Variants in CYRIB observed in about 807,000 individuals in gnomAD.
CYRIB encodes the protein CYFIP-related Rac1 interactor B.
In CYRIB, 8 loss-of-function variants were observed where a neutral mutation model predicts 44.2. The ratio of observed to expected loss-of-function variants is 0.18; its 90% CI spans 0.11 to 0.33. The LOEUF (loss-of-function observed/expected upper bound fraction) is 0.33. Ranked by LOEUF, CYRIB falls within the 10% of genes least tolerant of loss-of-function variation. CYRIB has a pLI of 1.00. For synonymous variants in CYRIB, 131 were observed against 127.2 expected (o/e 1.03, Z -0.20); for missense variants, 185 against 382.8 (o/e 0.48, Z 4.31).
intron 3 of CYRIB, among the ~76,000 whole-genome samples, chr8:129,876,971 G>A (rs568585326): frequency 6.6e-5 from 10 of 152,322 alleles, no homozygotes; most frequent in African/African-American, 2.2e-4. Context: ...GTATAAAGCA[G>A]TATAAAACGG....
exon 11 of CYRIB, chr8:129,846,852 A>G: frequency 6.3e-7 from 1 of 1,594,062 alleles, no homozygotes; most frequent in Admixed American, 1.9e-5. Flanking sequence ...TTGGTCCTTA[A>G]GAACTTTGAT....
chr8:129,939,264 C>A (rs1590602293), intron 1 of CYRIB, among the ~76,000 whole-genome samples: 1 of 133,290 alleles, frequency 7.5e-6, no homozygotes, highest in African/African-American at 2.9e-5. Context: ...AACGCCGACA[C>A]GGGAAGGGAC....
chr8:130,005,908 C>G (rs1281170487), intron 1 of CYRIB, among the ~76,000 whole-genome samples: 1 of 152,104 alleles, frequency 6.6e-6, no homozygotes, highest in Non-Finnish European at 1.5e-5. Flanking sequence ...ACGCCCAACA[C>G]CCTCAGAATA....
At chr8:129,977,718 G>C (rs1447493363) in intron 1 of CYRIB, among the ~76,000 whole-genome samples, 1 of 152,056 alleles carries the variant, frequency 6.6e-6, no homozygotes, top group Non-Finnish European at 1.5e-5. Context: ...ATTTTTAGTA[G>C]AGATGGGGTT....
intron 2 of CYRIB, among the ~76,000 whole-genome samples, chr8:129,898,815 C>T (rs1032374204): frequency 1.3e-5 from 2 of 152,010 alleles, no homozygotes; most frequent in Non-Finnish European, 2.9e-5. Flanking sequence ...CATTTACATT[C>T]TGATGTTGCC....
intron 1 of CYRIB, among the ~76,000 whole-genome samples, chr8:130,007,601 A>G (rs1445062445): frequency 6.6e-6 from 1 of 151,944 alleles, no homozygotes; most frequent in Non-Finnish European, 1.5e-5. Flanking sequence ...CCTGCCCAAC[A>G]TGGTGAAACC....
At chr8:129,978,700 C>T (rs1318328062) in intron 1 of CYRIB, among the ~76,000 whole-genome samples, 1 of 152,186 alleles carries the variant, frequency 6.6e-6, no homozygotes, top group Non-Finnish European at 1.5e-5. Context: ...AGAAAAGATG[C>T]TAATACACTG....
At chr8:129,951,534 G>A (rs1279805714) in intron 2 of CYRIB, among the ~76,000 whole-genome samples, 4 of 151,606 alleles carry the variant, frequency 2.6e-5, no homozygotes, top group East Asian at 1.9e-4. Context: ...GTGAAACCCC[G>A]TTTCTACTAA....
At chr8:129,987,899 G>A (rs928597404) in intron 1 of CYRIB, among the ~76,000 whole-genome samples, 6 of 152,072 alleles carry the variant, frequency 3.9e-5, no homozygotes, top group African/African-American at 7.2e-5. Flanking sequence ...CAAATCCTCC[G>A]CTGGCTCCCA....
chr8:129,864,702 G>A (rs1255960541), intron 4 of CYRIB: 1 of 297,738 alleles, frequency 3.4e-6, no homozygotes, highest in Non-Finnish European at 6.5e-6. Flanking sequence ...GCAATGTATG[G>A]GTAGCCTGTC....
chr8:129,977,131 C>T (rs576838756), intron 1 of CYRIB, among the ~76,000 whole-genome samples: 3 of 152,188 alleles, frequency 2.0e-5, no homozygotes, highest in East Asian at 1.9e-4. Context: ...CGTGAGCCAC[C>T]GTGCCCAGCC....
intron 2 of CYRIB, among the ~76,000 whole-genome samples, chr8:129,969,033 A>C (rs1165538557): frequency 4.5e-4 from 2 of 4,472 alleles, no homozygotes; most frequent in Non-Finnish European, 1.1e-3. Flanking sequence ...TTTTTTTTTG[A>C]GGTGGATTCT....
chr8:129,980,146 A>C (rs963699046), intron 1 of CYRIB, among the ~76,000 whole-genome samples: 1 of 150,148 alleles, frequency 6.7e-6, no homozygotes, highest in African/African-American at 2.5e-5. Flanking sequence ...AATTGTTTTT[A>C]ATGGGCCAGA....
At chr8:129,968,194 GTAC>G (rs1466735698) in intron 2 of CYRIB, among the ~76,000 whole-genome samples, 1 of 152,206 alleles carries the variant, frequency 6.6e-6, no homozygotes, top group Non-Finnish European at 1.5e-5. Flanking sequence ...ACAATGGCAT[GTAC>G]TATGCACTTA....
At chr8:129,917,792 G>A (rs1375632174) in intron 1 of CYRIB, among the ~76,000 whole-genome samples, 1 of 152,156 alleles carries the variant, frequency 6.6e-6, no homozygotes, top group Non-Finnish European at 1.5e-5. Flanking sequence ...GGGAAGCAGA[G>A]GTTGCAGTGA....
At chr8:129,947,938 G>C (rs2094266241) in intron 2 of CYRIB, 1 of 152,202 alleles carries the variant, frequency 6.6e-6, no homozygotes, top group South Asian at 2.1e-4. Flanking sequence ...TTCAGCTGAA[G>C]GGAGGTTTCT....
intron 7 of CYRIB, among the ~76,000 whole-genome samples, chr8:129,853,723 G>A (rs545615022): frequency 6.5e-4 from 99 of 152,308 alleles, no homozygotes; most frequent in African/African-American, 2.1e-3. Context: ...AAAGAAGCCA[G>A]AAGAAATGCT....
chr8:129,934,743 C>T (rs1590347304), intron 1 of CYRIB, among the ~76,000 whole-genome samples: 1 of 152,142 alleles, frequency 6.6e-6, no homozygotes, highest in East Asian at 1.9e-4. Context: ...AACAAGTTTA[C>T]TGGGGGTCCG....
intron 1 of CYRIB, among the ~76,000 whole-genome samples, chr8:129,922,372 T>G (rs967014606): frequency 6.6e-6 from 1 of 152,166 alleles, no homozygotes; most frequent in Non-Finnish European, 1.5e-5. Flanking sequence ...GAATTTATGG[T>G]ACAAATATAA....
Sources: gnomAD v4.1 joint callset for allele counts (sites outside exome capture counted in the v4.1 genomes callset) on GRCh38, gnomAD v4.1.1 for gene constraint, MANE v1.5 for transcripts, NCBI Gene and HGNC (gene_info 2026-07-23, HGNC 2026-07-21) for gene names.